DPY19L4: variants seen among roughly 807,000 people sequenced by gnomAD.
DPY19L4 encodes probable C-mannosyltransferase DPY19L4.
Under a neutral mutation model 102.8 loss-of-function variants are expected in DPY19L4, and 97 were observed. The ratio of observed to expected loss-of-function variants is 0.94; its 90% CI spans 0.80 to 1.12. DPY19L4 has a LOEUF of 1.12. DPY19L4 is among the 50% of genes most tolerant of loss of function. DPY19L4 has a pLI of 0.00. For synonymous variants in DPY19L4, 252 were observed against 283.1 expected (o/e 0.89, Z 1.10); for missense variants, 815 against 850.4 (o/e 0.96, Z 0.52).
At chr8:94,723,328 C>G (rs1810551664) in intron 1 of DPY19L4, among the ~76,000 whole-genome samples, 1 of 152,146 alleles carries the variant, frequency 6.6e-6, no homozygotes, top group Non-Finnish European at 1.5e-5. Context: ...AAAAAATTAG[C>G]TGGGCGTAGT....
intron 6 of DPY19L4, among the ~76,000 whole-genome samples, chr8:94,748,300 T>C (rs1811767554): frequency 6.6e-6 from 1 of 152,168 alleles, no homozygotes. Context: ...AAGATTTGAC[T>C]GCACTAATAT....
chr8:94,741,420 ACATTCTT>A (rs2130824319), intron 6 of DPY19L4, among the ~76,000 whole-genome samples: 1 of 152,310 alleles, frequency 6.6e-6, no homozygotes, highest in South Asian at 2.1e-4. Context: ...TTCATTAGCT[ACATTCTT>A]CATTCTTCAA....
At position 94,783,674 on chromosome 8, in the gene DPY19L4, C is replaced by T. The variant is rs1351768305; in HGVS notation, c.1720C>T (p.Gln574Ter). Reference sequence around the variant, plus strand: ...AATCTTTATGGTTCTTTGCAGAAGGCAAGCTCCAGTTGCAGCTGTGTTTGC... The same window carrying T: ...AATCTTTATGGTTCTTTGCAGAAGGTAAGCTCCAGTTGCAGCTGTGTTTGC... The part of the protein sequence containing the change: ...TVELMTWIKR[Q>*]APVAAVFAGS... The change falls in exon 17 of 19, where the codon CAA (glutamine) becomes TAA (stop). Residue 574 changes from glutamine to a stop codon, truncating the protein, a stop_gained. Transcript: ENST00000414645. LOFTEE classifies it high-confidence loss of function. The T allele has an allele frequency of 1.2e-6, 2 of 1,613,606 alleles. No homozygotes were observed. Among genetic ancestry groups the T allele is most frequent in the Non-Finnish European group, 1.7e-6 (2 of 1,179,888 alleles).
At position 94,787,886 on chromosome 8, in the gene DPY19L4, T is replaced by C; in HGVS notation, c.1849-8T>C. The C allele has an allele frequency of 7.5e-7, 1 of 1,331,816 alleles. No individual in the cohort carries two copies. The highest frequency in any genetic ancestry group is 2.9e-5 in the East Asian group (1 of 34,476). The allele number at this position is 1,331,816 out of a possible 1,614,324, so 82.5% of individuals were successfully genotyped here. A position where few individuals can be genotyped will look rare whatever the true frequency, so the allele number is the denominator to read the frequency against. ...TCTTTCAGTTTTATTTTAATTATAT[T>C]CTTTCAGATCTACCAAATCTATTCA... On this transcript the variant is annotated splice_region_variant and splice_polypyrimidine_tract_variant and intron_variant, in intron 17 of 18. Coordinates refer to ENST00000414645, the MANE Select transcript of DPY19L4 (RefSeq NM_181787.3).
chr8:94,757,293 T>G (rs954455352), intron 7 of DPY19L4, among the ~76,000 whole-genome samples: 1 of 152,372 alleles, frequency 6.6e-6, no homozygotes. Context: ...CAAACTTTAT[T>G]ATTTCATTTT....
intron 6 of DPY19L4, among the ~76,000 whole-genome samples, chr8:94,744,157 T>TTAG: frequency 6.6e-6 from 1 of 152,324 alleles, no homozygotes; most frequent in African/African-American, 2.4e-5. Context: ...AGATTGGTGG[T>TTAG]TCTAGCTCAG....
At chr8:94,755,474 C>G (rs760560880) in intron 6 of DPY19L4, among the ~76,000 whole-genome samples, 2 of 152,116 alleles carry the variant, frequency 1.3e-5, no homozygotes, top group Non-Finnish European at 2.9e-5. Flanking sequence ...GAAGGCATGC[C>G]TTCTTCAATC....
intron 7 of DPY19L4, among the ~76,000 whole-genome samples, chr8:94,758,883 C>T (rs865968940): frequency 3.3e-5 from 5 of 152,022 alleles, no homozygotes; most frequent in Admixed American, 6.6e-5. Flanking sequence ...TGCAGATGCA[C>T]GTCACCACAC....
At chr8:94,739,273 T>TA (rs1811328742) in intron 4 of DPY19L4, 140 bp from the exon 5 acceptor site, 1 of 1,059,468 alleles carries the variant, frequency 9.4e-7, no homozygotes, top group South Asian at 2.3e-5. Flanking sequence ...TGCTAAATTT[T>TA]TAAAAAATGG....
intron 9 of DPY19L4, among the ~76,000 whole-genome samples, 166 bp downstream of exon 9, chr8:94,765,480 C>T (rs1456705696): frequency 6.6e-6 from 1 of 151,950 alleles, no homozygotes; most frequent in Non-Finnish European, 1.5e-5. Context: ...GGATTACAAG[C>T]ATGCGCCACC....
At chr8:94,778,192 A>G (rs1044051327) in intron 14 of DPY19L4, among the ~76,000 whole-genome samples, 25 of 152,020 alleles carry the variant, frequency 1.6e-4, no homozygotes, top group Non-Finnish European at 1.2e-4. Flanking sequence ...CCAAAATCTC[A>G]CCACTGCACT....
chr8:94,780,963 G>T (rs1813399744), intron 15 of DPY19L4, 121 bp from the exon 16 acceptor site: 1 of 717,454 alleles, frequency 1.4e-6, no homozygotes, highest in Admixed American at 3.3e-5. Context: ...GAACGGTGTT[G>T]TAATATCATT....
chr8:94,737,850 C>T (rs1002445681), intron 3 of DPY19L4, among the ~76,000 whole-genome samples: 2 of 151,680 alleles, frequency 1.3e-5, no homozygotes, highest in African/African-American at 2.4e-5. Context: ...TGTGAGACCC[C>T]CTTCTTTACA....
chr8:94,745,591 T>C (rs1811636228), intron 6 of DPY19L4, among the ~76,000 whole-genome samples: 1 of 152,106 alleles, frequency 6.6e-6, no homozygotes, highest in South Asian at 2.1e-4. Flanking sequence ...ATGATACTGA[T>C]TCTGTGGTGA....
At chr8:94,721,225 C>CGTGAGCCACGG (rs1810448040) in intron 1 of DPY19L4, among the ~76,000 whole-genome samples, 1 of 152,194 alleles carries the variant, frequency 6.6e-6, no homozygotes, top group Non-Finnish European at 1.5e-5. Flanking sequence ...GGATTACAGG[C>CGTGAGCCACGG]GTGAGCCACG....
chr8:94,770,630 A>T, intron 13 of DPY19L4, 59 bp downstream of exon 13: 2 of 1,601,298 alleles, frequency 1.2e-6, no homozygotes, highest in Non-Finnish European at 1.7e-6. Context: ...GAGTGCGGTG[A>T]CTCACACCTG....
rs755134696 is a variant in DPY19L4 at position 94,783,718 on chromosome 8, G to A, written c.1764G>A (p.Met588Ile). 5 of 1,614,126 alleles carry A rather than the reference G, an allele frequency of 3.1e-6. No individual in the cohort carries two copies. Among genetic ancestry groups the A allele is most frequent in the Non-Finnish European group, 4.2e-6 (5 of 1,180,012 alleles). ...TGTTTGCAGGGAGTCCACAGTTAAT[G>A]GGTGCGATTAAATTATGCACTGGAT... ...AAVFAGSPQL[M>I]GAIKLCTGWM... Residue 588 changes from methionine (M) to isoleucine (I), a missense_variant, in exon 17 of 19, where the codon ATG becomes ATA. Physicochemically the swap from Met to Ile is conservative, Grantham distance 10. Coordinates refer to ENST00000414645, the MANE Select transcript of DPY19L4 (RefSeq NM_181787.3).
intron 6 of DPY19L4, among the ~76,000 whole-genome samples, chr8:94,749,100 T>G (rs188094714): frequency 2.0e-5 from 3 of 152,194 alleles, no homozygotes; most frequent in African/African-American, 7.2e-5. Flanking sequence ...GTGAGACTTA[T>G]TCACTATCAC....
intron 1 of DPY19L4, among the ~76,000 whole-genome samples, chr8:94,720,858 T>C (rs1238049160): frequency 6.6e-6 from 1 of 152,194 alleles, no homozygotes; most frequent in African/African-American, 2.4e-5. Flanking sequence ...AATTAGATTT[T>C]TGCATTCTGG....
Sources: gnomAD v4.1 joint callset for allele counts (sites outside exome capture counted in the v4.1 genomes callset) on GRCh38, gnomAD v4.1.1 for gene constraint, MANE v1.5 for transcripts, NCBI Gene and HGNC (gene_info 2026-07-23, HGNC 2026-07-21) for gene names.